FILIP1L: variants seen among roughly 807,000 people sequenced by gnomAD.
FILIP1L encodes the protein filamin A interacting protein 1 like.
FILIP1L carries 55 observed loss-of-function variants against 96.6 expected under a neutral mutation model. That is an observed-to-expected ratio of 0.57 (90% confidence interval 0.46 to 0.71). The LOEUF (loss-of-function observed/expected upper bound fraction) is 0.71, where lower values mean the gene tolerates loss of function less well. FILIP1L is among the 30% of genes least tolerant of loss of function. The probability of loss-of-function intolerance (pLI) is 0.00; values close to 1 mark genes in which losing one functional copy is unlikely to be tolerated. For synonymous variants in FILIP1L, 467 were observed against 473.9 expected (o/e 0.99, Z 0.19); for missense variants, 1,304 against 1,321.2 (o/e 0.99, Z 0.20).
intron 4 of FILIP1L, among the ~76,000 whole-genome samples, chr3:99,899,815 G>A (rs763418342): frequency 8.5e-5 from 13 of 152,218 alleles, no homozygotes; most frequent in Admixed American, 3.3e-4. Flanking sequence ...CTGTGCCACC[G>A]TTTTCTCATC....
intron 1 of FILIP1L, among the ~76,000 whole-genome samples, chr3:99,992,097 C>G (rs776618011): frequency 2.0e-5 from 3 of 151,264 alleles, no homozygotes; most frequent in Non-Finnish European, 4.4e-5. Flanking sequence ...AATTCTGTAT[C>G]TTTGCTATTG....
At chr3:99,994,659 A>G (rs1709622642) in intron 1 of FILIP1L, among the ~76,000 whole-genome samples, 2 of 152,190 alleles carry the variant, frequency 1.3e-5, no homozygotes, top group South Asian at 4.1e-4. Flanking sequence ...CCATTTTCAC[A>G]CTGCTGATAA....
At chr3:100,009,328 C>A (rs1710076205) in intron 1 of FILIP1L, among the ~76,000 whole-genome samples, 1 of 152,168 alleles carries the variant, frequency 6.6e-6, no homozygotes, top group Non-Finnish European at 1.5e-5. Context: ...CCCATAATTT[C>A]ACTGAGGGAG....
chr3:99,829,686 C>T lies in FILIP1L; in HGVS notation c.*728G>A, dbSNP rs1436632562. ...TATTCAGAGAAGAGATATGAATAAA[C>T]AATGTCCTGTGAGATGATAAATTCT... On this transcript the variant is annotated 3_prime_UTR_variant, in exon 6 of 6. Transcript: ENST00000477258. Among the ~76,000 whole-genome samples, 1 of 152,146 alleles carries T rather than the reference C, an allele frequency of 6.6e-6. No individual in the cohort carries two copies. The highest frequency in any genetic ancestry group is 2.4e-5 in the African/African-American group (1 of 41,422).
intron 1 of FILIP1L, among the ~76,000 whole-genome samples, chr3:100,106,453 G>A (rs116840388): frequency 0.016 from 2,478 of 152,240 alleles, 39 homozygotes; most frequent in Non-Finnish European, 0.025. Context: ...GACTCCAGCA[G>A]AAATGAGGGT....
chr3:99,888,458 T>C (rs1164479715), intron 4 of FILIP1L, among the ~76,000 whole-genome samples: 1 of 152,064 alleles, frequency 6.6e-6, no homozygotes, highest in Non-Finnish European at 1.5e-5. Context: ...CAGAGAAAAG[T>C]TGGTGGCTGG....
intron 1 of FILIP1L, among the ~76,000 whole-genome samples, chr3:99,938,050 A>AGTGTGTGT (rs71625545): frequency 4.1e-4 from 61 of 149,002 alleles, no homozygotes; most frequent in African/African-American, 1.2e-3. Flanking sequence ...AGGCTCAGGA[A>AGTGTGTGT]GTGTGTGTGT....
chr3:100,073,863 A>C (rs2107380971), intron 1 of FILIP1L, among the ~76,000 whole-genome samples: 1 of 152,288 alleles, frequency 6.6e-6, no homozygotes, highest in Admixed American at 6.5e-5. Flanking sequence ...TTTCCTTTTA[A>C]AACACCAGAA....
intron 4 of FILIP1L, among the ~76,000 whole-genome samples, chr3:99,894,328 T>A (rs1180314579): frequency 6.6e-6 from 1 of 152,180 alleles, no homozygotes; most frequent in East Asian, 1.9e-4. Context: ...GCCCCATTTG[T>A]TCATCTGTTG....
At chr3:100,097,836 C>G (rs1164964865) in intron 1 of FILIP1L, among the ~76,000 whole-genome samples, 1 of 152,206 alleles carries the variant, frequency 6.6e-6, no homozygotes, top group Non-Finnish European at 1.5e-5. Flanking sequence ...CAGCTGGATA[C>G]TTGCTACCTT....
At chr3:99,862,940 C>T (rs115446700) in intron 4 of FILIP1L, among the ~76,000 whole-genome samples, 27 of 152,312 alleles carry the variant, frequency 1.8e-4, no homozygotes, top group Non-Finnish European at 3.5e-4. Context: ...AGTTGACCTT[C>T]CCAAAGCCTC....
chr3:100,071,090 C>CTTTTTTTTTTTTTTTTTT (rs61563009), intron 1 of FILIP1L, among the ~76,000 whole-genome samples: 1 of 70,588 alleles, frequency 1.4e-5, no homozygotes, highest in African/African-American at 6.1e-5. Flanking sequence ...GCTACTCTCT[C>CTTTTTTTTTTTTTTTTTT]TTTTTTTTTT....
At chr3:100,036,972 A>G (rs900479795) in intron 1 of FILIP1L, among the ~76,000 whole-genome samples, 1 of 152,188 alleles carries the variant, frequency 6.6e-6, no homozygotes, top group Non-Finnish European at 1.5e-5. Context: ...CTCTTCAAAA[A>G]TGTTAGTATC....
At chr3:99,840,213 C>T (rs1016568011) in intron 5 of FILIP1L, among the ~76,000 whole-genome samples, 4 of 143,094 alleles carry the variant, frequency 2.8e-5, no homozygotes, top group African/African-American at 7.8e-5. Context: ...GAAATTAATT[C>T]GTAGAATCTT....
At position 99,910,167 on chromosome 3, in the gene FILIP1L, C is replaced by A. The variant is rs577942247; in HGVS notation, c.605+14063G>T. On this transcript the variant is annotated intron_variant, in intron 4 of 5. Coordinates refer to ENST00000477258, the MANE Select transcript of FILIP1L (RefSeq NM_001387850.1). The stretch of plus-strand genomic sequence containing the variant: ...TACGTAATTTCTATTCTTTGACTTA[C>A]AAGAACTTAAATCTTGTCTAAAAAC... Among the ~76,000 whole-genome samples the A allele has an allele frequency of 2.1e-4, 28 of 136,402 alleles. 4 individuals carry two copies. The South Asian group carries it at 7.0e-3, about 34-fold the overall frequency. 89.5% of individuals were successfully genotyped at this position (136,402 alleles called of 152,430 possible). A position where few individuals can be genotyped will look rare whatever the true frequency, so the allele number is the denominator to read the frequency against.
intron 1 of FILIP1L, among the ~76,000 whole-genome samples, chr3:99,969,654 A>C (rs1371997177): frequency 6.6e-6 from 1 of 152,182 alleles, no homozygotes; most frequent in African/African-American, 2.4e-5. Context: ...GGGCAAAGGC[A>C]CGGGGAGCCT....
intron 4 of FILIP1L, among the ~76,000 whole-genome samples, chr3:99,914,016 T>C (rs1438889951): frequency 6.6e-6 from 1 of 152,184 alleles, no homozygotes; most frequent in Non-Finnish European, 1.5e-5. Context: ...TTGAGTTAAA[T>C]AGGAAACTGA....
intron 1 of FILIP1L, among the ~76,000 whole-genome samples, chr3:100,100,154 G>A (rs2066279722): frequency 6.6e-6 from 1 of 152,132 alleles, no homozygotes; most frequent in Non-Finnish European, 1.5e-5. Flanking sequence ...GGTGGGCTGG[G>A]ACAATGCTGC....
At chr3:99,974,792 A>G (rs1202379795) in intron 1 of FILIP1L, among the ~76,000 whole-genome samples, 1 of 152,186 alleles carries the variant, frequency 6.6e-6, no homozygotes, top group East Asian at 1.9e-4. Context: ...GTTAAAATTC[A>G]TTTACTTATA....
Sources: gnomAD v4.1 joint callset for allele counts (sites outside exome capture counted in the v4.1 genomes callset) on GRCh38, gnomAD v4.1.1 for gene constraint, MANE v1.5 for transcripts, NCBI Gene and HGNC (gene_info 2026-07-23, HGNC 2026-07-21) for gene names.